NAA35: variants seen among roughly 807,000 people sequenced by gnomAD.
The protein encoded by NAA35 is MAK10 homolog, amino-acid N-acetyltransferase subunit.
Under a neutral mutation model 101.7 loss-of-function variants are expected in NAA35, and 18 were observed. The observed-to-expected ratio is 0.18, with a 90% CI of 0.12 to 0.26. The LOEUF is 0.26. Among genes scored for constraint, NAA35 ranks in the 10% least tolerant of loss-of-function variants. The pLI is 1.00. For synonymous variants in NAA35, 267 were observed against 273.1 expected (o/e 0.98, Z 0.22); for missense variants, 601 against 886.8 (o/e 0.68, Z 4.09).
At chr9:86,010,480 T>G (rs75209529) in intron 15 of NAA35, among the ~76,000 whole-genome samples, 2 of 152,192 alleles carry the variant, frequency 1.3e-5, no homozygotes, top group East Asian at 3.9e-4. Context: ...TAGGGAATGT[T>G]ATGACTCTCA....
At chr9:85,971,294 C>T (rs1045554176) in intron 6 of NAA35, among the ~76,000 whole-genome samples, 2 of 152,196 alleles carry the variant, frequency 1.3e-5, no homozygotes, top group African/African-American at 4.8e-5. Flanking sequence ...TCAGTGTTCT[C>T]ACCCCTCCCT....
intron 2 of NAA35, among the ~76,000 whole-genome samples, chr9:85,944,290 T>C (rs1045933585): frequency 6.6e-6 from 1 of 152,250 alleles, no homozygotes; most frequent in African/African-American, 2.4e-5. Context: ...GGATGTAAAG[T>C]ACTCTATAGT....
At chr9:85,962,502 A>AAAAAG in intron 6 of NAA35, among the ~76,000 whole-genome samples, 1 of 151,612 alleles carries the variant, frequency 6.6e-6, no homozygotes. Context: ...AAAAAAAAAA[A>AAAAAG]AAAAAAAGAA....
At chr9:85,955,360 A>ATATTTTTTTTTTTTT (rs749448250) in intron 2 of NAA35, among the ~76,000 whole-genome samples, 1 of 53,932 alleles carries the variant, frequency 1.9e-5, no homozygotes, top group Non-Finnish European at 3.0e-5. Context: ...ATATATATAT[A>ATATTTTTTTTTTTTT]TTTTTTTTTT....
At chr9:86,018,582 G>T in intron 20 of NAA35, 117 bp from the exon 21 acceptor site, 1 of 1,385,090 alleles carries the variant, frequency 7.2e-7, no homozygotes. Flanking sequence ...CTGAATGTTT[G>T]CCCCAGTGTC....
intron 2 of NAA35, among the ~76,000 whole-genome samples, chr9:85,952,542 C>A (rs557087408): frequency 6.6e-6 from 1 of 152,160 alleles, no homozygotes; most frequent in Admixed American, 6.5e-5. Flanking sequence ...GCCTCGGCCT[C>A]CCAAAGTGCT....
chr9:86,008,542 T>A, intron 14 of NAA35, among the ~76,000 whole-genome samples: 1 of 152,232 alleles, frequency 6.6e-6, no homozygotes, highest in African/African-American at 2.4e-5. Context: ...ATAAGGTTAT[T>A]CATTGATCAG....
chr9:85,942,791 T>C (rs1236904489), intron 2 of NAA35, among the ~76,000 whole-genome samples: 2 of 152,220 alleles, frequency 1.3e-5, no homozygotes, highest in African/African-American at 2.4e-5. Context: ...TTTTTATCTC[T>C]TCGTAATACA....
chr9:85,944,073 TC>T (rs1326906375), intron 2 of NAA35, among the ~76,000 whole-genome samples: 2 of 152,204 alleles, frequency 1.3e-5, no homozygotes, highest in Non-Finnish European at 2.9e-5. Flanking sequence ...GAAAGTTTGT[TC>T]CCCTTGATGA....
intron 6 of NAA35, among the ~76,000 whole-genome samples, chr9:85,972,095 T>C (rs974560202): frequency 6.6e-6 from 1 of 152,216 alleles, no homozygotes; most frequent in East Asian, 1.9e-4. Flanking sequence ...TTCCCAGGAC[T>C]TGTGATGTTC....
intron 12 of NAA35, among the ~76,000 whole-genome samples, chr9:86,002,117 A>G (rs1831440379): frequency 6.6e-6 from 1 of 152,122 alleles, no homozygotes; most frequent in Non-Finnish European, 1.5e-5. Context: ...TTTCTCCTTC[A>G]CTTAGGAAGG....
At chr9:85,954,748 A>G (rs758841793) in intron 2 of NAA35, among the ~76,000 whole-genome samples, 3 of 152,164 alleles carry the variant, frequency 2.0e-5, no homozygotes, top group Admixed American at 6.5e-5. Flanking sequence ...TTACCTTCCT[A>G]TCATTGCTTT....
intron 2 of NAA35, among the ~76,000 whole-genome samples, chr9:85,954,634 T>G (rs1224369852): frequency 6.6e-6 from 1 of 152,208 alleles, no homozygotes; most frequent in Non-Finnish European, 1.5e-5. Context: ...TTGTCTTTTT[T>G]TAGCCGTAAG....
intron 6 of NAA35, among the ~76,000 whole-genome samples, chr9:85,962,596 C>T (rs1376542824): frequency 1.3e-5 from 2 of 151,658 alleles, no homozygotes; most frequent in Admixed American, 6.6e-5. Flanking sequence ...CTTTCGTCTA[C>T]GTGTATATTT....
At chr9:85,956,461 G>A in intron 3 of NAA35, 68 bp downstream of exon 3, 1 of 854,202 alleles carries the variant, frequency 1.2e-6, no homozygotes, top group South Asian at 2.2e-5. Flanking sequence ...CTCATGTGGA[G>A]TAATATTCCC....
chr9:86,021,375 ATATCATC>A (rs1832544175), intron 22 of NAA35, among the ~76,000 whole-genome samples: 2 of 152,222 alleles, frequency 1.3e-5, no homozygotes, highest in Admixed American at 1.3e-4. Flanking sequence ...TGGTAATGTT[ATATCATC>A]CATGCTACGT....
intron 11 of NAA35, among the ~76,000 whole-genome samples, chr9:85,990,447 T>C (rs1830853338): frequency 6.6e-6 from 1 of 152,190 alleles, no homozygotes; most frequent in Non-Finnish European, 1.5e-5. Flanking sequence ...TTATCATTGT[T>C]TATTATTGGT....
rs1384692926 is a variant in NAA35, at chr9:86,018,326, G to A, written c.1845G>A (p.Arg615=). ...TTGAGCTTGATAGTGAACAAGTTCG[G>A]TATGAACACAGGTTTGCTCCATTCA... ...PKFELDSEQV[R]YEHRFAPFNS... Residue 615 remains arginine, a synonymous_variant, in exon 20 of 23, where the codon CGG becomes CGA. Transcript: ENST00000361671. 3 of 1,613,914 alleles carry A rather than the reference G, an allele frequency of 1.9e-6. No individual in the cohort carries two copies. The highest frequency in any genetic ancestry group is 2.7e-5 in the African/African-American group (2 of 74,906).
intron 2 of NAA35, among the ~76,000 whole-genome samples, chr9:85,944,092 A>G (rs1828647112): frequency 1.3e-5 from 2 of 152,300 alleles, no homozygotes; most frequent in South Asian, 4.1e-4. Context: ...TGATCAGTAC[A>G]GTGGCTTGGA....
Sources: allele counts gnomAD v4.1 joint callset (sites outside exome capture counted in the v4.1 genomes callset), GRCh38; gene constraint gnomAD v4.1.1; transcripts MANE v1.5; gene names NCBI Gene and HGNC (gene_info 2026-07-23, HGNC 2026-07-21).